Variants in LIM2 observed in about 807,000 individuals in gnomAD.
LIM2 encodes the protein lens intrinsic membrane protein 2.
A neutral mutation model predicts 19.0 loss-of-function variants in LIM2; 14 were observed. That is an observed-to-expected ratio of 0.74 (90% confidence interval 0.49 to 1.15). LIM2 has a LOEUF of 1.15. LIM2 is among the 50% of genes most tolerant of loss of function. LIM2 has a pLI of 0.00. For synonymous variants in LIM2, 78 were observed against 89.6 expected (o/e 0.87, Z 0.73); for missense variants, 230 against 243.5 (o/e 0.94, Z 0.37).
chr19:51,380,364 C>G, intron 4 of LIM2, 102 bp from the exon 5 acceptor site: 1 of 1,575,434 alleles, frequency 6.3e-7, no homozygotes, highest in Non-Finnish European at 8.7e-7. Flanking sequence ...CTGGGTATCC[C>G]CGACCCCAGA....
intron 2 of LIM2, among the ~76,000 whole-genome samples, chr19:51,385,287 C>T (rs1279027314): frequency 6.6e-6 from 1 of 152,090 alleles, no homozygotes; most frequent in African/African-American, 2.4e-5. Context: ...TTTGGGAGGC[C>T]GAGGCGGGTG....
At position 51,387,405 on chromosome 19, in the gene LIM2, C is replaced by T; in HGVS notation, c.39G>A (p.Trp13Ter). ...CCACCACCAGGAGGATGGTCCCCAC[C>T]CAGGCACAGAACAGGCCACCACCCA... Reference protein sequence around the residue: ...SFMGGGLFCAWVGTILLVVAM... With the variant: ...SFMGGGLFCA The change falls in exon 2 of 5, where the codon TGG becomes TGA. Residue 13 changes from tryptophan to a stop codon, truncating the protein, a stop_gained. Transcript: ENST00000596399. LOFTEE classifies it high-confidence loss of function. 1 of 1,614,140 alleles carries T rather than the reference C, an allele frequency of 6.2e-7. No homozygotes were observed. Among genetic ancestry groups the T allele is most frequent in the Non-Finnish European group, 8.5e-7 (1 of 1,180,034 alleles).
rs757069172 is a variant in LIM2, at chr19:51,382,549, C to T, written c.194G>A (p.Arg65Gln). ...TAGGGCAGACAGGATCATGAAGGCC[C>T]GGGTGGCATTCCAGTATGCTGTGGG... is the stretch of plus-strand genomic sequence containing the variant. ...TDSIAYWNAT[R>Q]AFMILSALCA... The change falls in exon 3 of 5, where the codon CGG (arginine) becomes CAG (glutamine). Residue 65 changes from arginine (R) to glutamine (Q), a missense_variant. Coordinates refer to ENST00000596399, the MANE Select transcript of LIM2 (RefSeq NM_001161748.2). 1.8e-5 allele frequency: 29 copies of T among 1,613,532 alleles called. No individual in the cohort carries two copies. Among genetic ancestry groups the T allele is most frequent in the East Asian group, 6.7e-5 (3 of 44,892 alleles).
rs1986850850 is a variant in LIM2 at position 51,380,077 on chromosome 19, C to G, written c.*124G>C. ...CAGGAGTCAGCCTCCCCCCACAAACCCACAGTCCAGAACTGAGCCCCCTCA... is the reference window on the plus strand; with the variant it reads ...CAGGAGTCAGCCTCCCCCCACAAACGCACAGTCCAGAACTGAGCCCCCTCA... On this transcript the variant is annotated 3_prime_UTR_variant, in exon 5 of 5. Coordinates refer to ENST00000596399, the MANE Select transcript of LIM2 (RefSeq NM_001161748.2). 4.4e-6 allele frequency: 4 copies of G among 911,264 alleles called. No homozygotes were observed. In the South Asian group the frequency reaches 5.7e-5, roughly 13 times the overall value. 56.4% of individuals were successfully genotyped at this position (911,264 alleles called of 1,614,324 possible).
At chr19:51,383,859 G>A (rs1986964381) in intron 2 of LIM2, among the ~76,000 whole-genome samples, 1 of 152,186 alleles carries the variant, frequency 6.6e-6, no homozygotes, top group Admixed American at 6.5e-5. Flanking sequence ...GAGCACCTGG[G>A]AAATGGTGCA....
At chr19:51,380,344 C>T in intron 4 of LIM2, 82 bp from the exon 5 acceptor site, 1 of 1,582,128 alleles carries the variant, frequency 6.3e-7, no homozygotes, top group Non-Finnish European at 8.7e-7. Flanking sequence ...ACACCCTACT[C>T]TCTTTCTCCC....
Position 51,387,428 on chromosome 19 carries a change from C to T in LIM2, c.16G>A (p.Gly6Ser), listed in dbSNP as rs768439913. ...ACCCAGGCACAGAACAGGCCACCAC[C>T]CATGAAGCTGTACATGGTGATCTGT... MYSFM[G>S]GGLFCAWVGT... Residue 6 changes from glycine (G) to serine (S), a missense_variant, in exon 2 of 5, where the codon GGT becomes AGT. Gly to Ser is a moderately conservative substitution (Grantham distance 56, BLOSUM62 0). Transcript: ENST00000596399. 6.2e-7 allele frequency: 1 copy of T among 1,613,974 alleles called. No homozygotes were observed. Among genetic ancestry groups the T allele is most frequent in the Admixed American group, 1.7e-5 (1 of 60,032 alleles).
intron 2 of LIM2, among the ~76,000 whole-genome samples, chr19:51,385,509 G>C: frequency 6.6e-6 from 1 of 152,114 alleles, no homozygotes; most frequent in Middle Eastern, 3.4e-3. Flanking sequence ...GTGACAGAGC[G>C]AGACTCTGTC....
chr19:51,383,574 C>T (rs778409738), intron 2 of LIM2, among the ~76,000 whole-genome samples: 18 of 152,162 alleles, frequency 1.2e-4, no homozygotes, highest in African/African-American at 1.7e-4. Context: ...TTGTGCTTTG[C>T]CCAGGGATGG....
intron 2 of LIM2, among the ~76,000 whole-genome samples, chr19:51,385,543 A>AACAAG (rs1306684509): frequency 1.3e-5 from 2 of 152,100 alleles, no homozygotes; most frequent in Non-Finnish European, 2.9e-5. Context: ...AACAAAACAA[A>AACAAG]AACAAACAAA....
chr19:51,380,170 T>C lies in LIM2; in HGVS notation c.*31A>G. 1 of 1,610,018 alleles carries C rather than the reference T, an allele frequency of 6.2e-7. No homozygotes were observed. Among genetic ancestry groups the C allele is most frequent in the African/African-American group, 1.3e-5 (1 of 74,882 alleles). ...TCCTCTTCAGTGGCCTCACTTTAAC[T>C]TCCAGATGAAGTTGGGGGACACATT... On this transcript the variant is annotated 3_prime_UTR_variant, in exon 5 of 5. Transcript: ENST00000596399.
At position 51,384,471 on chromosome 19, in the gene LIM2, T is replaced by C. The variant is rs190616976; in HGVS notation, c.176-1904A>G. Among the ~76,000 whole-genome samples, 107 of 152,122 alleles carry C rather than the reference T, an allele frequency of 7.0e-4. 1 individual carries two copies. Among genetic ancestry groups the C allele is most frequent in the South Asian group, 2.3e-3 (11 of 4,812 alleles). ...CATAAAACAAAGACTGCCGTCCTTA[T>C]AAAAAGAGGAATCTGGACACAGACA... On this transcript the variant is annotated intron_variant, in intron 2 of 4. Coordinates refer to ENST00000596399, the MANE Select transcript of LIM2 (RefSeq NM_001161748.2).
intron 2 of LIM2, among the ~76,000 whole-genome samples, chr19:51,386,516 T>C (rs1178466740): frequency 6.7e-6 from 1 of 148,376 alleles, no homozygotes; most frequent in African/African-American, 2.5e-5. Context: ...ATATACATTA[T>C]TAATTTATTA....
Position 51,387,512 on chromosome 19 carries a change from G to A in LIM2, c.-6-63C>T, listed in dbSNP as rs140613192. 2,055 of 1,604,558 alleles carry A rather than the reference G, an allele frequency of 1.3e-3. 25 individuals carry two copies. The African/African-American group carries it at 0.024, about 19-fold the overall frequency. Reference sequence around the variant, plus strand: ...TCCCGGGACTTGAAGGGAGGAACTGGGGGGAGAGAGGGCTCAGGAGTGGGA... The same window carrying A: ...TCCCGGGACTTGAAGGGAGGAACTGAGGGGAGAGAGGGCTCAGGAGTGGGA... On this transcript the variant is annotated intron_variant, in intron 1 of 4. Transcript: ENST00000596399.
chr19:51,382,653 C>T, intron 2 of LIM2, 86 bp from the exon 3 acceptor site: 2 of 1,570,460 alleles, frequency 1.3e-6, no homozygotes, highest in South Asian at 2.2e-5. Context: ...ATGCCTTGCC[C>T]CTTTCCATAT....
intron 2 of LIM2, among the ~76,000 whole-genome samples, chr19:51,383,921 A>G (rs1336206254): frequency 2.6e-5 from 4 of 152,200 alleles, no homozygotes; most frequent in African/African-American, 9.7e-5. Flanking sequence ...GGATCTTTGT[A>G]AAACCCAGTC....
At chr19:51,385,742 G>T (rs1401551994) in intron 2 of LIM2, among the ~76,000 whole-genome samples, 1 of 152,164 alleles carries the variant, frequency 6.6e-6, no homozygotes, top group Non-Finnish European at 1.5e-5. Context: ...GGACTCTGAA[G>T]CTGATGGCCC....
At chr19:51,380,871 C>T (rs1301705875) in intron 3 of LIM2, among the ~76,000 whole-genome samples, 1 of 152,046 alleles carries the variant, frequency 6.6e-6, no homozygotes, top group African/African-American at 2.4e-5. Context: ...ATGTAATTGG[C>T]CATTGTCTCT....
At chr19:51,385,109 A>G (rs1287404059) in intron 2 of LIM2, among the ~76,000 whole-genome samples, 1 of 150,568 alleles carries the variant, frequency 6.6e-6, no homozygotes, top group Admixed American at 6.7e-5. Context: ...TGATCCTCCT[A>G]CCTCAGCCTC....
Sources: allele counts gnomAD v4.1 joint callset (sites outside exome capture counted in the v4.1 genomes callset), GRCh38; gene constraint gnomAD v4.1.1; transcripts MANE v1.5; gene names NCBI Gene and HGNC (gene_info 2026-07-23, HGNC 2026-07-21).